Variants in OTUD5 observed in about 807,000 individuals in gnomAD.
The protein encoded by OTUD5 is OTU domain-containing protein 5.
In OTUD5, 2 loss-of-function variants were observed where a neutral mutation model predicts 36.3. The ratio of observed to expected loss-of-function variants is 0.06; its 90% CI spans 0.02 to 0.17. The LOEUF is 0.17. Among genes scored for constraint, OTUD5 ranks in the 10% least tolerant of loss-of-function variants. The pLI, the probability that OTUD5 is intolerant of heterozygous loss-of-function variation, is 1.00. For missense variants in OTUD5, 233 were observed against 512.3 expected (o/e 0.45, Z 5.26); for synonymous variants, 234 against 214.9 (o/e 1.09, Z -0.78).
At chrX:48,946,353 G>T (rs2064029464) in intron 1 of OTUD5, among the ~76,000 whole-genome samples, 1 of 111,566 alleles carries the variant, frequency 9.0e-6, no homozygotes. Flanking sequence ...CATATACTAG[G>T]GGAAGTTGTC....
chrX:48,956,481 T>C (rs944652213), intron 1 of OTUD5, among the ~76,000 whole-genome samples: 1 of 111,629 alleles, frequency 9.0e-6, no homozygotes. Flanking sequence ...TGTCTCAGAC[T>C]CTTGAAAGGG....
chrX:48,926,351 A>AT (rs1318338115), intron 5 of OTUD5, among the ~76,000 whole-genome samples: 6 of 94,825 alleles, frequency 6.3e-5, no homozygotes, highest in African/African-American at 1.5e-4. Context: ...CCTGGGACTT[A>AT]TTTTTTTTTT....
At position 48,947,334 on chromosome X, in the gene OTUD5, G is replaced by C. The variant is rs956072159; in HGVS notation, c.595-3051C>G. ...TGGGAGACAGAAGTTGCAGTGAGCC[G>C]GGATCATACCACTGTATTCTAGCCT... On this transcript the variant is annotated intron_variant, in intron 1 of 8. Transcript: ENST00000376488. Among the ~76,000 whole-genome samples the C allele has an allele frequency of 6.4e-5, 7 of 109,410 alleles. No homozygotes were observed. The South Asian group carries it at 1.6e-3, about 25-fold the overall frequency.
intron 5 of OTUD5, among the ~76,000 whole-genome samples, chrX:48,932,167 A>G (rs1557048991): frequency 1.9e-4 from 19 of 98,434 alleles, no homozygotes; most frequent in East Asian, 9.3e-4. Context: ...AGATGATAAT[A>G]ATAATAATAA....
chrX:48,923,738 T>A lies in OTUD5; in HGVS notation c.1474A>T (p.Ser492Cys). 8.3e-7 allele frequency: 1 copy of A among 1,200,467 alleles called. No individual in the cohort carries two copies. The highest frequency in any genetic ancestry group is 1.1e-6 in the Non-Finnish European group (1 of 886,782). Reference sequence around the variant, plus strand: ...CGGTCGGCCCCTGCCGAGAACTGACTGCTTGTACCTGAAGCAGACGGACAG... The same window carrying A: ...CGGTCGGCCCCTGCCGAGAACTGACAGCTTGTACCTGAAGCAGACGGACAG... ...PPSPCAPGTS[S>C]QFSAGADRAT... is the part of the protein sequence containing the mutation. Residue 492 changes from serine to cysteine, a missense_variant, in exon 8 of 9, where the codon AGT (serine) becomes TGT (cysteine). By Grantham distance (112) the Ser-to-Cys change is moderately radical. Coordinates refer to ENST00000376488, the MANE Select transcript of OTUD5 (RefSeq NM_001136157.2).
chrX:48,935,073 T>C, intron 2 of OTUD5, 55 bp from the exon 3 acceptor site: 4 of 1,061,689 alleles, frequency 3.8e-6, no homozygotes, highest in Non-Finnish European at 5.2e-6. Flanking sequence ...AGAAGAGCTC[T>C]GAATCATAGA....
chrX:48,934,322 T>C (rs2063799587), intron 5 of OTUD5, 142 bp downstream of exon 5: 2 of 221,627 alleles, frequency 9.0e-6, no homozygotes, highest in Non-Finnish European at 1.5e-5. Flanking sequence ...AACTCCCTAT[T>C]TTTTTTTTTT....
At chrX:48,946,452 GGGGA>G (rs1282740315) in intron 1 of OTUD5, among the ~76,000 whole-genome samples, 2 of 111,756 alleles carry the variant, frequency 1.8e-5, no homozygotes, top group Admixed American at 9.5e-5. Context: ...CGGGACAGGA[GGGGA>G]GGAAGAGGTG....
At chrX:48,957,739 G>T, upstream of OTUD5, 1 of 792,799 alleles carries the variant, frequency 1.3e-6, no homozygotes. Flanking sequence ...GGCGGCGGCG[G>T]CGGCGGCGGC....
chrX:48,956,262 A>G (rs781914321), intron 1 of OTUD5, among the ~76,000 whole-genome samples: 1 of 111,110 alleles, frequency 9.0e-6, no homozygotes, highest in East Asian at 2.8e-4. Context: ...CCCTGTGAAA[A>G]GTCTTACATC....
intron 1 of OTUD5, among the ~76,000 whole-genome samples, chrX:48,945,431 T>C (rs1272529162): frequency 1.8e-5 from 2 of 109,124 alleles, no homozygotes; most frequent in Non-Finnish European, 3.8e-5. Flanking sequence ...CCACCATGCC[T>C]GGCTAATTTT....
Position 48,935,031 on chromosome X carries a change from A to G in OTUD5, c.689-13T>C. On this transcript the variant is annotated splice_polypyrimidine_tract_variant and intron_variant, in intron 2 of 8. Coordinates refer to ENST00000376488, the MANE Select transcript of OTUD5 (RefSeq NM_001136157.2). ...TACACCTGGTCAGCTGTGGGGGCAG[A>G]AGAAAGCAGCAGCTAGGGTCAGAGA... The G allele has an allele frequency of 8.3e-7, 1 of 1,202,127 alleles. No individual in the cohort carries two copies. Among genetic ancestry groups the G allele is most frequent in the East Asian group, 3.0e-5 (1 of 33,781 alleles).
intron 2 of OTUD5, chrX:48,936,327 AG>A (rs1557049946): frequency 8.9e-6 from 1 of 111,816 alleles, no homozygotes; most frequent in African/African-American, 3.3e-5. Context: ...CCTTCTCTTC[AG>A]GACGCTCCTT....
At chrX:48,935,096 G>C in intron 2 of OTUD5, 78 bp from the exon 3 acceptor site, 2 of 950,396 alleles carry the variant, frequency 2.1e-6, no homozygotes, top group Non-Finnish European at 3.0e-6. Flanking sequence ...ATCCTTTGGG[G>C]AGGAGGAACT....
intron 1 of OTUD5, among the ~76,000 whole-genome samples, chrX:48,946,993 A>G (rs1557052551): frequency 1.8e-5 from 2 of 112,339 alleles, no homozygotes; most frequent in Non-Finnish European, 3.8e-5. Context: ...ACTCTTGATA[A>G]GCTCACAAAC....
intron 5 of OTUD5, among the ~76,000 whole-genome samples, chrX:48,932,718 A>C (rs1050041434): frequency 9.0e-6 from 1 of 111,332 alleles, no homozygotes; most frequent in Non-Finnish European, 1.9e-5. Context: ...CCGAGGCACA[A>C]GGATCACTTG....
chrX:48,928,432 G>A (rs1262562592), intron 5 of OTUD5, among the ~76,000 whole-genome samples: 1 of 111,802 alleles, frequency 8.9e-6, no homozygotes, highest in African/African-American at 3.3e-5. Context: ...TGATAAGAAA[G>A]AAACCAGCTA....
chrX:48,929,402 T>C (rs782521535), intron 5 of OTUD5, among the ~76,000 whole-genome samples: 1 of 99,024 alleles, frequency 1.0e-5, no homozygotes, highest in African/African-American at 3.8e-5. Flanking sequence ...AATAAATAAA[T>C]AAATAAAATA....
chrX:48,926,000 T>C lies in OTUD5; in HGVS notation c.1110A>G (p.Ser370=). Residue 370 remains serine (S), a synonymous_variant, in exon 6 of 9, where the codon TCA becomes TCG. Transcript: ENST00000376488. The part of the protein sequence containing the change: ...MKNAIKTSEE[S]WIEQQMLEDK... ...CTTCTAGCATCTGCTGTTCAATCCA[T>C]GACTCCTCCGATGTTTTTATGGCAT... 2.5e-6 allele frequency: 3 copies of C among 1,210,475 alleles called. No homozygotes were observed. The highest frequency in any genetic ancestry group is 3.4e-6 in the Non-Finnish European group (3 of 894,355).
Sources: gnomAD v4.1 joint callset for allele counts (sites outside exome capture counted in the v4.1 genomes callset) on GRCh38, gnomAD v4.1.1 for gene constraint, MANE v1.5 for transcripts, NCBI Gene and HGNC (gene_info 2026-07-23, HGNC 2026-07-21) for gene names.